Variants in CNTNAP2 observed in about 807,000 individuals in gnomAD.
CNTNAP2 encodes contactin-associated protein-like 2.
Under a neutral mutation model 155.2 loss-of-function variants are expected in CNTNAP2, and 98 were observed. That is an observed-to-expected ratio of 0.63 (90% CI 0.54 to 0.75). The LOEUF is 0.75. Among genes scored for constraint, CNTNAP2 ranks in the 30% least tolerant of loss-of-function variants. The probability of loss-of-function intolerance (pLI) is 0.00; values close to 1 mark genes in which losing one functional copy is unlikely to be tolerated. For missense variants in CNTNAP2, 1,727 were observed against 1,688.1 expected, an observed-to-expected ratio of 1.02 and a Z score of -0.40; for synonymous variants, 651 against 631.2, an observed-to-expected ratio of 1.03 and a Z score of -0.47.
At position 148,415,633 on chromosome 7, in the gene CNTNAP2, T is replaced by TATGGGATAGGGAGGAGGGAATTACTAG. The variant is rs1302103806; in HGVS notation, c.*18_*44dup. 1 of 1,613,988 alleles carries TATGGGATAGGGAGGAGGGAATTACTAG rather than the reference T, an allele frequency of 6.2e-7. No individual in the cohort carries two copies. The highest frequency in any genetic ancestry group is 8.5e-7 in the Non-Finnish European group (1 of 1,179,998). On this transcript the variant is annotated 3_prime_UTR_variant, in exon 24 of 24. Transcript: ENST00000361727. The stretch of plus-strand genomic sequence containing the variant: ...CTCATTTGAGGGGTGGCTACTTGGC[T>TATGGGATAGGGAGGAGGGAATTACTAG]ATGGGATAGGGAGGAGGGAATTACT...
chr7:147,975,812 G>A (rs989821951), intron 14 of CNTNAP2, among the ~76,000 whole-genome samples: 4 of 152,132 alleles, frequency 2.6e-5, no homozygotes, highest in Non-Finnish European at 5.9e-5. Flanking sequence ...TTGGAAACTT[G>A]ATTGAGTTAC....
rs73740596 is a variant in CNTNAP2, at chr7:147,213,106, C to T, written c.1348+80597C>T. 7.7e-3 allele frequency among the ~76,000 whole-genome samples: 1,165 copies of T among 152,136 alleles called. 16 individuals are homozygous for T. Among genetic ancestry groups the T allele is most frequent in the African/African-American group, 0.027 (1,109 of 41,508 alleles). The stretch of plus-strand genomic sequence containing the variant: ...CATGCAATAATGGATACTGATAAGT[C>T]CCACAATCCGCTCTCTACAAATTGA... On this transcript the variant is annotated intron_variant, in intron 8 of 23. Transcript: ENST00000361727.
intron 13 of CNTNAP2, among the ~76,000 whole-genome samples, chr7:147,880,031 T>C (rs912581944): frequency 1.3e-5 from 2 of 152,216 alleles, no homozygotes; most frequent in Non-Finnish European, 2.9e-5. Context: ...TTCTCCAATA[T>C]TCCTCTCCTA....
chr7:147,406,320 A>G (rs1797004857), intron 10 of CNTNAP2, among the ~76,000 whole-genome samples: 1 of 152,204 alleles, frequency 6.6e-6, no homozygotes, highest in African/African-American at 2.4e-5. Context: ...AATGGTATTT[A>G]TTATAGCATT....
intron 14 of CNTNAP2, among the ~76,000 whole-genome samples, chr7:147,916,098 G>A (rs77733719): frequency 6.6e-6 from 1 of 152,150 alleles, no homozygotes; most frequent in Non-Finnish European, 1.5e-5. Flanking sequence ...ACTTCAGGAG[G>A]CTCATCCAGG....
chr7:146,854,577 A>G (rs1032076208), intron 3 of CNTNAP2, among the ~76,000 whole-genome samples: 7 of 152,108 alleles, frequency 4.6e-5, no homozygotes, highest in Non-Finnish European at 8.8e-5. Flanking sequence ...GGTCTTTAAG[A>G]GCCTACTTGC....
chr7:148,241,372 T>C (rs1796156414), intron 20 of CNTNAP2, among the ~76,000 whole-genome samples: 1 of 152,232 alleles, frequency 6.6e-6, no homozygotes, highest in Admixed American at 6.5e-5. Flanking sequence ...TTCTTTCCAT[T>C]GATTTGTAGT....
intron 11 of CNTNAP2, among the ~76,000 whole-genome samples, chr7:147,498,064 A>G (rs1201058065): frequency 6.6e-6 from 1 of 151,836 alleles, no homozygotes; most frequent in Non-Finnish European, 1.5e-5. Flanking sequence ...GATGCCCTTG[A>G]GTAAGGCAAG....
Position 147,507,559 on chromosome 7 carries a change from T to C in CNTNAP2, c.1777+21518T>C, listed in dbSNP as rs1416419587. Among the ~76,000 whole-genome samples, 455 of 138,426 alleles carry C rather than the reference T, an allele frequency of 3.3e-3. 1 individual carries two copies. Among genetic ancestry groups the C allele is most frequent in the African/African-American group, 0.011 (413 of 36,722 alleles). The allele number at this position is 138,426 out of a possible 152,430, so 90.8% of individuals were successfully genotyped here. On this transcript the variant is annotated intron_variant, in intron 11 of 23. Coordinates refer to ENST00000361727, the MANE Select transcript of CNTNAP2 (RefSeq NM_014141.6). ...TGCTTTCTCTTTCTTTCTTTTTTTT[T>C]TTTTTTTTTTTTTTTTGGAGTCTCG...
At chr7:146,306,550 G>A (rs1235844414) in intron 1 of CNTNAP2, among the ~76,000 whole-genome samples, 4 of 152,068 alleles carry the variant, frequency 2.6e-5, no homozygotes, top group African/African-American at 7.2e-5. Context: ...TATCCACCAC[G>A]ATCAAGTTGG....
At chr7:146,694,443 A>G (rs1212573182) in intron 1 of CNTNAP2, among the ~76,000 whole-genome samples, 1 of 152,114 alleles carries the variant, frequency 6.6e-6, no homozygotes, top group Admixed American at 6.6e-5. Flanking sequence ...TGGACTGTCT[A>G]TTCTGTTACA....
intron 1 of CNTNAP2, among the ~76,000 whole-genome samples, chr7:146,605,957 G>T (rs1305849796): frequency 6.6e-6 from 1 of 152,094 alleles, no homozygotes; most frequent in Non-Finnish European, 1.5e-5. Flanking sequence ...CTTGAGAAAA[G>T]TAAAACATAA....
At chr7:146,417,522 G>A (rs1159220079) in intron 1 of CNTNAP2, among the ~76,000 whole-genome samples, 1 of 152,124 alleles carries the variant, frequency 6.6e-6, no homozygotes, top group African/African-American at 2.4e-5. Context: ...TTAGATCTTG[G>A]TCTGAAGTCA....
At chr7:147,805,689 G>T (rs1253294827) in intron 13 of CNTNAP2, among the ~76,000 whole-genome samples, 2 of 152,140 alleles carry the variant, frequency 1.3e-5, no homozygotes. Flanking sequence ...ATGATGATAT[G>T]GTTTTTGTCC....
At chr7:147,357,287 C>T (rs1252505379) in intron 9 of CNTNAP2, among the ~76,000 whole-genome samples, 2 of 152,152 alleles carry the variant, frequency 1.3e-5, no homozygotes, top group South Asian at 2.1e-4. Flanking sequence ...TTTCTGTGCT[C>T]CTGCATCTAG....
intron 1 of CNTNAP2, among the ~76,000 whole-genome samples, chr7:146,232,604 T>C (rs1165704288): frequency 6.6e-6 from 1 of 152,176 alleles, no homozygotes. Flanking sequence ...ACTTCTCCTG[T>C]TGGGACATTC....
At chr7:146,461,701 T>C (rs1796640255) in intron 1 of CNTNAP2, among the ~76,000 whole-genome samples, 1 of 152,144 alleles carries the variant, frequency 6.6e-6, no homozygotes, top group Admixed American at 6.5e-5. Flanking sequence ...CTGTATGTGG[T>C]AAAGAATATG....
intron 12 of CNTNAP2, among the ~76,000 whole-genome samples, chr7:147,587,454 G>A (rs1177298049): frequency 6.6e-6 from 1 of 152,116 alleles, no homozygotes; most frequent in African/African-American, 2.4e-5. Flanking sequence ...TTTTCTGCAT[G>A]GCTGCTTTGC....
chr7:148,148,082 G>A (rs1054391151), intron 17 of CNTNAP2, among the ~76,000 whole-genome samples: 1 of 151,470 alleles, frequency 6.6e-6, no homozygotes, highest in Non-Finnish European at 1.5e-5. Flanking sequence ...AAGGAAGGAA[G>A]GAAGGGAGAG....
Sources: gnomAD v4.1 joint callset for allele counts (sites outside exome capture counted in the v4.1 genomes callset) on GRCh38, gnomAD v4.1.1 for gene constraint, MANE v1.5 for transcripts, NCBI Gene and HGNC (gene_info 2026-07-23, HGNC 2026-07-21) for gene names.